The following COL24A1 variants were observed in gnomAD, a reference collection of about 807,000 sequenced individuals.
COL24A1 encodes collagen type XXIV alpha 1 chain, also known as collagen alpha-1(XXIV) chain.
Under a neutral mutation model 253.9 loss-of-function variants are expected in COL24A1, and 224 were observed. The observed-to-expected ratio is 0.88, with a 90% confidence interval of 0.79 to 0.99. COL24A1 has a LOEUF of 0.99. COL24A1 is among the 50% of genes least tolerant of loss of function. The pLI is 0.00. For missense variants in COL24A1, 2,131 were observed against 2,068.5 expected (o/e 1.03, Z -0.59); for synonymous variants, 685 against 673.7 (o/e 1.02, Z -0.26).
At chr1:85,825,422 C>T (rs1043649960) in intron 43 of COL24A1, among the ~76,000 whole-genome samples, 20 of 152,178 alleles carry the variant, frequency 1.3e-4, no homozygotes, top group Admixed American at 3.3e-4. Context: ...GATTTATAGT[C>T]CTTTGGTTAT....
At chr1:86,134,708 G>A (rs1319230618) in intron 2 of COL24A1, among the ~76,000 whole-genome samples, 4 of 76,658 alleles carry the variant, frequency 5.2e-5, no homozygotes, top group African/African-American at 1.8e-4. Flanking sequence ...ACTGTGGCCT[G>A]AGAGACAATT....
chr1:86,140,786 A>G (rs1361000581), intron 2 of COL24A1, among the ~76,000 whole-genome samples: 3 of 152,236 alleles, frequency 2.0e-5, no homozygotes, highest in Non-Finnish European at 4.4e-5. Flanking sequence ...CATATCAGGT[A>G]AGAAAAGGTA....
chr1:85,791,640 G>T (rs1670285541), intron 47 of COL24A1, among the ~76,000 whole-genome samples: 1 of 152,056 alleles, frequency 6.6e-6, no homozygotes. Flanking sequence ...GAACCTAATA[G>T]AATTCTGGAT....
At position 85,937,097 on chromosome 1, in the gene COL24A1, G is replaced by A. The variant is rs1160300677; in HGVS notation, c.2562+24152C>T. On this transcript the variant is annotated intron_variant, in intron 24 of 59. Transcript: ENST00000370571. ...TCTTTAGCTGACACCTTTGCTCTCT[G>A]GGGGATCCCTTACGACCAGCTGTCA... Among the ~76,000 whole-genome samples the A allele has an allele frequency of 1.4e-5, 2 of 147,466 alleles. 1 individual carries two copies. Among genetic ancestry groups the A allele is most frequent in the Non-Finnish European group, 3.0e-5 (2 of 66,698 alleles).
chr1:85,818,102 C>T lies in COL24A1; in HGVS notation c.3790-15G>A. 6.2e-7 allele frequency: 1 copy of T among 1,608,674 alleles called. No homozygotes were observed. The highest frequency in any genetic ancestry group is 8.5e-7 in the Non-Finnish European group (1 of 1,175,238). ...CCCTTATTACCCTAAAGATGGAAAG[C>T]ACAGTTGTCAATTGACTGTAATAAT... On this transcript the variant is annotated splice_polypyrimidine_tract_variant and intron_variant, in intron 45 of 59. Coordinates refer to ENST00000370571, the MANE Select transcript of COL24A1 (RefSeq NM_152890.7).
At position 86,046,765 on chromosome 1, in the gene COL24A1, G is replaced by C. The variant is rs1699933461; in HGVS notation, c.1950+60C>G. Reference sequence around the variant, plus strand: ...AGTATCTTCACATTTTAATAAGTAAGAACACATAACCAGGTTATATTGCTG... The same window carrying C: ...AGTATCTTCACATTTTAATAAGTAACAACACATAACCAGGTTATATTGCTG... On this transcript the variant is annotated intron_variant, in intron 12 of 59. Transcript: ENST00000370571. 17 of 1,575,704 alleles carry C rather than the reference G, an allele frequency of 1.1e-5. No individual in the cohort carries two copies. The South Asian group carries it at 1.6e-4, about 15-fold the overall frequency.
At chr1:86,105,442 C>T (rs148059766) in intron 5 of COL24A1, among the ~76,000 whole-genome samples, 75 of 152,280 alleles carry the variant, frequency 4.9e-4, no homozygotes, top group South Asian at 1.2e-3. Flanking sequence ...AGTTATGATG[C>T]GGGCCCCCAG....
Position 85,730,273 on chromosome 1 carries a change from A to C in COL24A1, c.*273T>G, listed in dbSNP as rs551508405. ...GTCAAAAATATAAGATACCCTGAAG[A>C]ATTCCATATTTATAAATTTTTAGTT... On this transcript the variant is annotated 3_prime_UTR_variant, in exon 60 of 60. Transcript: ENST00000370571. The C allele has an allele frequency of 1.1e-5, 3 of 264,316 alleles. No homozygotes were observed. The South Asian group carries it at 2.1e-4, about 19-fold the overall frequency. 16.4% of individuals were successfully genotyped at this position (264,316 alleles called of 1,614,324 possible). A position where few individuals can be genotyped will look rare whatever the true frequency, so the allele number is the denominator to read the frequency against.
At chr1:85,891,255 AG>A (rs1683108681) in intron 31 of COL24A1, among the ~76,000 whole-genome samples, 1 of 146,200 alleles carries the variant, frequency 6.8e-6, no homozygotes, top group Non-Finnish European at 1.5e-5. Context: ...TGGTAGAGAC[AG>A]AGTTTCACCG....
chr1:85,873,639 G>A (rs1680793941), intron 35 of COL24A1, among the ~76,000 whole-genome samples: 1 of 152,184 alleles, frequency 6.6e-6, no homozygotes, highest in Non-Finnish European at 1.5e-5. Context: ...AATAAACAAT[G>A]AGAACACTTG....
chr1:85,875,395 A>G, intron 33 of COL24A1, 65 bp from the exon 34 acceptor site: 1 of 1,315,268 alleles, frequency 7.6e-7, no homozygotes, highest in South Asian at 1.2e-5. Context: ...TGGTGGTAAC[A>G]CTGAACTCAA....
chr1:85,849,378 C>A lies in COL24A1; in HGVS notation c.3329G>T (p.Gly1110Val). Reference sequence around the variant, plus strand: ...CTTTTTTCCTGGACGACCTCTTTGCCCTGGAATTCCCACAATTCCTTCAGG... The same window carrying A: ...CTTTTTTCCTGGACGACCTCTTTGCACTGGAATTCCCACAATTCCTTCAGG... ...PGPEGIVGIP[G>V]QRGRPGKKGD... is the part of the protein sequence containing the mutation. Residue 1110 changes from glycine to valine, a missense_variant, in exon 38 of 60, where the codon GGG becomes GTG. Transcript: ENST00000370571. The A allele has an allele frequency of 1.2e-6, 2 of 1,612,128 alleles. No homozygotes were observed. Among genetic ancestry groups the A allele is most frequent in the Non-Finnish European group, 1.7e-6 (2 of 1,179,002 alleles).
chr1:86,060,822 G>A (rs1293522335), intron 8 of COL24A1, among the ~76,000 whole-genome samples: 2 of 151,954 alleles, frequency 1.3e-5, no homozygotes, highest in African/African-American at 4.8e-5. Flanking sequence ...TATATGTAGA[G>A]AGATTATATC....
In COL24A1 at chr1:85,784,374, T is replaced by C; in HGVS notation, c.4060-8A>G. The C allele has an allele frequency of 6.3e-7, 1 of 1,598,042 alleles. No individual in the cohort carries two copies. Among genetic ancestry groups the C allele is most frequent in the Non-Finnish European group, 8.6e-7 (1 of 1,165,788 alleles). Reference sequence around the variant, plus strand: ...AGGTAGCCCTTGTTCACCCTATGGGTAGAACAAAGAAAAGCGATCTTTACA... The same window carrying C: ...AGGTAGCCCTTGTTCACCCTATGGGCAGAACAAAGAAAAGCGATCTTTACA... On this transcript the variant is annotated splice_polypyrimidine_tract_variant and splice_region_variant and intron_variant, in intron 48 of 59. Coordinates refer to ENST00000370571, the MANE Select transcript of COL24A1 (RefSeq NM_152890.7).
At chr1:86,005,584 G>C (rs774720816) in intron 19 of COL24A1, among the ~76,000 whole-genome samples, 2 of 151,874 alleles carry the variant, frequency 1.3e-5, no homozygotes, top group African/African-American at 2.4e-5. Context: ...TTAAAGTAAT[G>C]ATCAGAGAAG....
At chr1:85,992,671 GA>G (rs1280961590) in intron 19 of COL24A1, among the ~76,000 whole-genome samples, 2 of 152,028 alleles carry the variant, frequency 1.3e-5, no homozygotes, top group African/African-American at 4.8e-5. Flanking sequence ...AACGATACAG[GA>G]AGAAAAGTAA....
At chr1:85,963,879 T>C (rs1324618858) in intron 23 of COL24A1, among the ~76,000 whole-genome samples, 1 of 152,174 alleles carries the variant, frequency 6.6e-6, no homozygotes, top group Non-Finnish European at 1.5e-5. Context: ...AGGAGAATTG[T>C]TAATCCCAGG....
chr1:85,947,567 A>G (rs1171863179), intron 24 of COL24A1, among the ~76,000 whole-genome samples: 1 of 152,184 alleles, frequency 6.6e-6, no homozygotes, highest in East Asian at 1.9e-4. Context: ...AGTGAGAAAA[A>G]AATAACTGAT....
chr1:86,050,722 T>C (rs980687379), intron 10 of COL24A1, among the ~76,000 whole-genome samples: 2 of 152,150 alleles, frequency 1.3e-5, no homozygotes, highest in African/African-American at 4.8e-5. Flanking sequence ...TTATACATAA[T>C]ATACTTTGTG....
Sources: gnomAD v4.1 joint callset for allele counts (sites outside exome capture counted in the v4.1 genomes callset) on GRCh38, gnomAD v4.1.1 for gene constraint, MANE v1.5 for transcripts, NCBI Gene and HGNC (gene_info 2026-07-23, HGNC 2026-07-21) for gene names.